ANKS1A: variants seen among roughly 807,000 people sequenced by gnomAD.
ANKS1A encodes ankyrin repeat and sterile alpha motif domain containing 1A.
A neutral mutation model predicts 120.3 loss-of-function variants in ANKS1A; 55 were observed. The observed-to-expected ratio is 0.46, with a 90% CI of 0.37 to 0.57. The LOEUF is 0.57. ANKS1A is among the 20% of genes least tolerant of loss of function. ANKS1A has a pLI of 0.00. For missense variants in ANKS1A, 1,123 were observed against 1,480.3 expected, an observed-to-expected ratio of 0.76 and a Z score of 3.96; for synonymous variants, 590 against 604.7, an observed-to-expected ratio of 0.98 and a Z score of 0.36.
chr6:34,955,318 G>C (rs1028221504), intron 1 of ANKS1A, among the ~76,000 whole-genome samples: 8 of 151,802 alleles, frequency 5.3e-5, no homozygotes, highest in Non-Finnish European at 4.4e-5. Context: ...TGTATTTTTA[G>C]TAGAGATGGG....
intron 3 of ANKS1A, among the ~76,000 whole-genome samples, chr6:34,974,202 C>T (rs1172311354): frequency 1.2e-4 from 1 of 8,614 alleles, no homozygotes; most frequent in Non-Finnish European, 2.2e-4. Context: ...TTCCCTTCCC[C>T]TTCCCCTTCC....
At chr6:34,923,252 C>T (rs1014636293) in intron 1 of ANKS1A, among the ~76,000 whole-genome samples, 2 of 152,120 alleles carry the variant, frequency 1.3e-5, no homozygotes, top group Admixed American at 6.5e-5. Context: ...GGCTTTGCAG[C>T]GAAGCCACGG....
intron 1 of ANKS1A, among the ~76,000 whole-genome samples, chr6:34,924,131 T>TGTG (rs1561850542): frequency 4.9e-5 from 6 of 121,392 alleles, no homozygotes; most frequent in African/African-American, 1.9e-4. Context: ...GTGTGTGTAT[T>TGTG]TTTCTTTTCC....
chr6:34,969,166 T>C (rs1771055082), intron 2 of ANKS1A, among the ~76,000 whole-genome samples: 1 of 152,246 alleles, frequency 6.6e-6, no homozygotes, highest in African/African-American at 2.4e-5. Context: ...TAATTAGTGC[T>C]GTCACCAGGA....
chr6:34,890,661 A>G (rs564030558), intron 1 of ANKS1A, among the ~76,000 whole-genome samples: 1 of 152,288 alleles, frequency 6.6e-6, no homozygotes, highest in South Asian at 2.1e-4. Flanking sequence ...CGAGGGAAAA[A>G]CATCAGTTTT....
chr6:35,053,740 G>A (rs820095), intron 11 of ANKS1A, among the ~76,000 whole-genome samples: 125,544 of 152,260 alleles, frequency 0.82, 52,341 homozygotes, highest in South Asian at 0.92. Flanking sequence ...TGAGCAATGA[G>A]ATGGCCAGGT....
At chr6:34,990,088 A>G (rs1772425635) in intron 9 of ANKS1A, among the ~76,000 whole-genome samples, 1 of 152,210 alleles carries the variant, frequency 6.6e-6, no homozygotes, top group African/African-American at 2.4e-5. Flanking sequence ...CAGCTAATAT[A>G]AAACAGTTAA....
chr6:34,987,688 G>A (rs1033225979), intron 8 of ANKS1A, among the ~76,000 whole-genome samples: 19 of 152,238 alleles, frequency 1.2e-4, no homozygotes, highest in African/African-American at 4.3e-4. Context: ...ATAGAATACT[G>A]AGCAGTGAAG....
intron 1 of ANKS1A, among the ~76,000 whole-genome samples, chr6:34,949,191 G>A (rs1237798271): frequency 6.6e-6 from 1 of 152,228 alleles, no homozygotes; most frequent in Admixed American, 6.5e-5. Context: ...AGTTAACTCA[G>A]TGGGGCTTTG....
At chr6:35,015,315 G>T (rs1773942565) in intron 10 of ANKS1A, among the ~76,000 whole-genome samples, 1 of 152,154 alleles carries the variant, frequency 6.6e-6, no homozygotes, top group Non-Finnish European at 1.5e-5. Flanking sequence ...TGGCCAACAT[G>T]GCAAAACCCC....
intron 1 of ANKS1A, among the ~76,000 whole-genome samples, chr6:34,959,253 G>A (rs1376300366): frequency 6.6e-6 from 1 of 152,224 alleles, no homozygotes. Context: ...GTCCCATCAA[G>A]AGATTGTTGC....
At chr6:34,932,636 CA>C (rs2127475034) in intron 1 of ANKS1A, among the ~76,000 whole-genome samples, 1 of 152,348 alleles carries the variant, frequency 6.6e-6, no homozygotes, top group South Asian at 2.1e-4. Context: ...CTATCCGTCT[CA>C]ACCTCCCAAA....
intron 1 of ANKS1A, among the ~76,000 whole-genome samples, chr6:34,905,457 G>A (rs1352606178): frequency 6.6e-6 from 1 of 152,208 alleles, no homozygotes; most frequent in African/African-American, 2.4e-5. Flanking sequence ...GTGTATGTGT[G>A]TATTTGGGAT....
chr6:35,076,051 C>G (rs1442883737), intron 13 of ANKS1A, among the ~76,000 whole-genome samples: 1 of 152,210 alleles, frequency 6.6e-6, no homozygotes, highest in Non-Finnish European at 1.5e-5. Flanking sequence ...AAGCGTAAGC[C>G]ATTGCACCTG....
At position 35,078,539 on chromosome 6, in the gene ANKS1A, T is replaced by G. The variant is rs751515202; in HGVS notation, c.2185-19T>G. Reference sequence around the variant, plus strand: ...CATCCATCCAGGAGGGGCCCTGACATCCACCTTTCTGCTCTCAGGGGTCTA... The same window carrying G: ...CATCCATCCAGGAGGGGCCCTGACAGCCACCTTTCTGCTCTCAGGGGTCTA... On this transcript the variant is annotated intron_variant, in intron 13 of 23. Coordinates refer to ENST00000360359, the MANE Select transcript of ANKS1A (RefSeq NM_015245.3). 3.7e-6 allele frequency: 6 copies of G among 1,608,740 alleles called. No individual in the cohort carries two copies. The African/African-American group carries it at 4.0e-5, about 11-fold the overall frequency.
intron 13 of ANKS1A, among the ~76,000 whole-genome samples, chr6:35,063,587 G>A (rs1488146567): frequency 6.6e-6 from 1 of 152,212 alleles, no homozygotes; most frequent in Non-Finnish European, 1.5e-5. Context: ...CTTAATTTCT[G>A]AAAAAGAAAA....
intron 10 of ANKS1A, among the ~76,000 whole-genome samples, chr6:35,004,515 A>T (rs982983646): frequency 1.3e-5 from 2 of 152,158 alleles, no homozygotes; most frequent in African/African-American, 4.8e-5. Context: ...TTATTAGTAT[A>T]TGCTCACTGA....
rs1218054155 is a variant in ANKS1A at position 35,085,584 on chromosome 6, G to C, written c.3133-182G>C. ...CCAGCTCCCGGCCACATCCTGTGTA[G>C]AGCGGGAAGAACAACAGAGACCTAG... is the stretch of plus-strand genomic sequence containing the variant. On this transcript the variant is annotated intron_variant, in intron 21 of 23. Coordinates refer to ENST00000360359, the MANE Select transcript of ANKS1A (RefSeq NM_015245.3). The surrounding 1 kb of genome is among the most constrained non-coding windows in gnomAD (Gnocchi z 4.7). Among the ~76,000 whole-genome samples the C allele has an allele frequency of 1.3e-5, 2 of 150,198 alleles. No homozygotes were observed. The highest frequency in any genetic ancestry group is 4.8e-5 in the African/African-American group (2 of 41,344).
At position 34,898,592 on chromosome 6, in the gene ANKS1A, C is replaced by A. The variant is rs12174696; in HGVS notation, c.197+8993C>A. Reference sequence around the variant, plus strand: ...TGAATTGTTGATAAGGGACTGTAAACCTCTGCCTTTATGGTAGAAAAATTG... The same window carrying A: ...TGAATTGTTGATAAGGGACTGTAAAACTCTGCCTTTATGGTAGAAAAATTG... On this transcript the variant is annotated intron_variant, in intron 1 of 23. Coordinates refer to ENST00000360359, the MANE Select transcript of ANKS1A (RefSeq NM_015245.3). Among the ~76,000 whole-genome samples, 311 of 152,188 alleles carry A rather than the reference C, an allele frequency of 2.0e-3. 2 individuals are homozygous for A. Among genetic ancestry groups the A allele is most frequent in the African/African-American group, 6.5e-3 (269 of 41,524 alleles).
Sources: allele counts gnomAD v4.1 joint callset (sites outside exome capture counted in the v4.1 genomes callset), GRCh38; gene constraint gnomAD v4.1.1; non-coding constraint Gnocchi (gnomAD v3.1); transcripts MANE v1.5; gene names NCBI Gene and HGNC (gene_info 2026-07-23, HGNC 2026-07-21).